The following CHFR variants were observed in gnomAD, a reference collection of about 807,000 sequenced individuals.
CHFR encodes checkpoint with forkhead and ring finger domains.
In CHFR, 57 loss-of-function variants were observed where a neutral mutation model predicts 87.6. That is an observed-to-expected ratio of 0.65 (90% CI 0.53 to 0.81). The LOEUF (loss-of-function observed/expected upper bound fraction) is 0.81. Ranked by LOEUF, CHFR falls within the 30% of genes least tolerant of loss-of-function variation. CHFR has a pLI of 0.00. For synonymous variants in CHFR, 381 were observed against 359.2 expected, an observed-to-expected ratio of 1.06 and a Z score of -0.69; for missense variants, 797 against 865.8, an observed-to-expected ratio of 0.92 and a Z score of 1.00.
chr12:132,849,363 G>A (rs11611368), intron 12 of CHFR: 28,488 of 145,472 alleles, frequency 0.2, 3,122 homozygotes, highest in African/African-American at 0.27. Flanking sequence ...CACTGCACCC[G>A]GCCTCAGACC....
chr12:132,860,434 A>C (rs566842569), intron 7 of CHFR, among the ~76,000 whole-genome samples: 2 of 152,030 alleles, frequency 1.3e-5, no homozygotes, highest in Admixed American at 1.3e-4. Context: ...AAATTTCCTC[A>C]TTCCTGTGCT....
chr12:132,870,623 G>T, intron 5 of CHFR, 101 bp downstream of exon 5: 1 of 766,668 alleles, frequency 1.3e-6, no homozygotes, highest in Non-Finnish European at 2.2e-6. Flanking sequence ...TCGCGCCACC[G>T]CACTCCAGCC....
At chr12:132,858,944 G>T in intron 8 of CHFR, 124 bp downstream of exon 8, 1 of 924,974 alleles carries the variant, frequency 1.1e-6, no homozygotes, top group Non-Finnish European at 1.6e-6. Flanking sequence ...GGGTGACAGA[G>T]TAACCTCAGC....
intron 9 of CHFR, 71 bp from the exon 10 acceptor site, chr12:132,856,701 G>GGGAGCTCGCGTGC (rs771836352): frequency 3.7e-5 from 56 of 1,530,420 alleles, no homozygotes; most frequent in Non-Finnish European, 4.8e-5. Context: ...TCACACTGCT[G>GGGAGCTCGCGTGC]GGAGCTCGCG....
intron 10 of CHFR, chr12:132,853,784 C>G: frequency 1.8e-6 from 1 of 553,800 alleles, no homozygotes. Flanking sequence ...CACTCTGCAT[C>G]CCCAGCTCAG....
At chr12:132,873,817 T>G (rs1951553588) in intron 3 of CHFR, among the ~76,000 whole-genome samples, 1 of 152,218 alleles carries the variant, frequency 6.6e-6, no homozygotes, top group Non-Finnish European at 1.5e-5. Flanking sequence ...CAGCCATCAC[T>G]CATCCTCCTG....
intron 6 of CHFR, among the ~76,000 whole-genome samples, chr12:132,869,388 T>G (rs1951433336): frequency 6.6e-6 from 1 of 152,092 alleles, no homozygotes; most frequent in African/African-American, 2.4e-5. Flanking sequence ...GTATGCGAAT[T>G]ATAGTCTCAA....
intron 2 of CHFR, among the ~76,000 whole-genome samples, chr12:132,878,551 A>T (rs1019411614): frequency 1.3e-5 from 2 of 151,728 alleles, no homozygotes; most frequent in African/African-American, 4.8e-5. Context: ...CTTTAAAAAA[A>T]CTCAGGGGGT....
At chr12:132,855,177 T>C (rs1004288805) in intron 10 of CHFR, 3 of 143,442 alleles carry the variant, frequency 2.1e-5, no homozygotes, top group Non-Finnish European at 3.0e-5. Context: ...AGGAGATGAA[T>C]GTTGCAGTGG....
intron 2 of CHFR, among the ~76,000 whole-genome samples, chr12:132,880,454 C>T (rs1951740918): frequency 1.3e-5 from 2 of 151,772 alleles, no homozygotes; most frequent in Admixed American, 6.6e-5. Flanking sequence ...GTCAGGAGAT[C>T]GAGACCATCC....
chr12:132,879,581 A>T (rs952147725), intron 2 of CHFR, among the ~76,000 whole-genome samples: 5 of 151,156 alleles, frequency 3.3e-5, no homozygotes, highest in African/African-American at 1.2e-4. Context: ...AGTAGAGATG[A>T]GGTTTCACAA....
In CHFR at chr12:132,853,415, G is replaced by A. The variant is rs1950990952; in HGVS notation, c.1372+16C>T. The A allele has an allele frequency of 1.3e-6, 2 of 1,508,264 alleles. No homozygotes were observed. The highest frequency in any genetic ancestry group is 1.8e-6 in the Non-Finnish European group (2 of 1,137,640). The allele number at this position is 1,508,264 out of a possible 1,614,324, so 93.4% of individuals were successfully genotyped here. A position where few individuals can be genotyped will look rare whatever the true frequency, so the allele number is the denominator to read the frequency against. ...GACTCACGCGAAGGCTGAGGCCTGA[G>A]GGCGGCGCGGCTCACCTGTCGTCAG... On this transcript the variant is annotated intron_variant, in intron 11 of 17. Coordinates refer to ENST00000450056, the MANE Select transcript of CHFR (RefSeq NM_001161346.2).
In CHFR at chr12:132,871,999, T is replaced by C. The variant is rs1951501338; in HGVS notation, c.343+286A>G. On this transcript the variant is annotated intron_variant, in intron 4 of 17. Coordinates refer to ENST00000450056, the MANE Select transcript of CHFR (RefSeq NM_001161346.2). ...TTCCCCATAACTCAAGTTCTTCTCC[T>C]GTAGAACCCAAACCATCCCCATCAG... 6 of 378,328 alleles carry C rather than the reference T, an allele frequency of 1.6e-5. No homozygotes were observed. The East Asian group carries it at 2.5e-4, about 16-fold the overall frequency. The allele number at this position is 378,328 out of a possible 1,614,324, so 23.4% of individuals were successfully genotyped here.
chr12:132,878,692 G>A (rs12827944), intron 2 of CHFR, among the ~76,000 whole-genome samples: 40,642 of 150,298 alleles, frequency 0.27, 5,780 homozygotes, highest in Middle Eastern at 0.43. Flanking sequence ...GGTGGCGGGC[G>A]CCTTGTAATC....
chr12:132,880,424 A>AGG (rs530735263), intron 2 of CHFR, among the ~76,000 whole-genome samples: 2 of 150,782 alleles, frequency 1.3e-5, no homozygotes, highest in Non-Finnish European at 3.0e-5. Flanking sequence ...TGGGAGGCCA[A>AGG]GGGGGGGGCG....
chr12:132,849,796 G>A (rs1444855028), intron 12 of CHFR: 1 of 151,928 alleles, frequency 6.6e-6, no homozygotes, highest in Non-Finnish European at 1.5e-5. Flanking sequence ...CACCGCGTTG[G>A]TCAGGCTGGT....
At position 132,853,746 on chromosome 12, in the gene CHFR, C is replaced by A. The variant is rs546118391; in HGVS notation, c.1230-173G>T. The A allele has an allele frequency of 1.8e-5, 13 of 704,686 alleles. No homozygotes were observed. In the African/African-American group the frequency reaches 2.5e-4, roughly 13 times the overall value. 43.7% of individuals were successfully genotyped at this position (704,686 alleles called of 1,614,324 possible). On this transcript the variant is annotated intron_variant, in intron 10 of 17. Coordinates refer to ENST00000450056, the MANE Select transcript of CHFR (RefSeq NM_001161346.2). Reference sequence around the variant, plus strand: ...CAGCACCCCAGTGTTAGAGAGGGACCAGAACGAGTCGAAGGGCAAGGACAC... The same window carrying A: ...CAGCACCCCAGTGTTAGAGAGGGACAAGAACGAGTCGAAGGGCAAGGACAC...
At chr12:132,858,494 G>A (rs944548202) in intron 8 of CHFR, among the ~76,000 whole-genome samples, 2 of 152,108 alleles carry the variant, frequency 1.3e-5, no homozygotes, top group African/African-American at 2.4e-5. Flanking sequence ...GGAGGCAAAC[G>A]TGGGCAGATC....
intron 3 of CHFR, among the ~76,000 whole-genome samples, chr12:132,873,357 C>T (rs1480495744): frequency 6.6e-6 from 1 of 152,218 alleles, no homozygotes; most frequent in South Asian, 2.1e-4. Flanking sequence ...GCCGTCTCCC[C>T]GTAAAACCTC....
Sources: allele counts gnomAD v4.1 joint callset (sites outside exome capture counted in the v4.1 genomes callset), GRCh38; gene constraint gnomAD v4.1.1; transcripts MANE v1.5; gene names NCBI Gene and HGNC (gene_info 2026-07-23, HGNC 2026-07-21).